The following GALNT13 variants were observed in gnomAD, a reference collection of about 807,000 sequenced individuals.
The protein encoded by GALNT13 is UDP-GalNAc:polypeptide N-acetylgalactosaminyltransferase 13.
In GALNT13, 28 loss-of-function variants were observed where a neutral mutation model predicts 64.2. The observed-to-expected ratio is 0.44, with a 90% CI of 0.32 to 0.60. The LOEUF (loss-of-function observed/expected upper bound fraction) is 0.60. Among genes scored for constraint, GALNT13 ranks in the 20% least tolerant of loss-of-function variants. The pLI is 0.05. For synonymous variants in GALNT13, 214 were observed against 224.6 expected, an observed-to-expected ratio of 0.95 and a Z score of 0.42; for missense variants, 577 against 669.8, an observed-to-expected ratio of 0.86 and a Z score of 1.53.
intron 3 of GALNT13, among the ~76,000 whole-genome samples, chr2:154,026,132 A>T (rs1697946291): frequency 6.6e-6 from 1 of 152,234 alleles, no homozygotes; most frequent in Non-Finnish European, 1.5e-5. Flanking sequence ...TAAAACTTAA[A>T]GTGGGAAAGT....
intron 4 of GALNT13, chr2:154,236,208 A>G: frequency 9.9e-7 from 1 of 1,010,880 alleles, no homozygotes; most frequent in Non-Finnish European, 1.2e-6. Context: ...ATAAGATATA[A>G]ACACACAAAG....
the GALNT13 span, among the ~76,000 whole-genome samples, chr2:153,519,145 G>A: frequency 1.3e-5 from 2 of 152,156 alleles, no homozygotes; most frequent in East Asian, 3.8e-4. Context: ...ACAAATTGCT[G>A]CTATTTCACA....
chr2:153,834,404 T>C, the GALNT13 span, among the ~76,000 whole-genome samples: 2 of 152,144 alleles, frequency 1.3e-5, no homozygotes, highest in South Asian at 2.1e-4. Flanking sequence ...AGCCAAAGAA[T>C]CTCAGCCTTA....
At chr2:153,945,726 G>C (rs1414516699) in intron 3 of GALNT13, among the ~76,000 whole-genome samples, 1 of 152,114 alleles carries the variant, frequency 6.6e-6, no homozygotes, top group East Asian at 1.9e-4. Flanking sequence ...TTTAATTTTT[G>C]TTCAAAGAGT....
chr2:153,443,202 T>G, the GALNT13 span, among the ~76,000 whole-genome samples: 1 of 152,198 alleles, frequency 6.6e-6, no homozygotes, highest in Admixed American at 6.5e-5. Context: ...GATCTCCTGT[T>G]TTGCGGATTG....
the GALNT13 span, among the ~76,000 whole-genome samples, chr2:153,671,273 A>C: frequency 6.6e-6 from 1 of 152,176 alleles, no homozygotes. Context: ...GTTGAAATGA[A>C]GGAAAAAATG....
chr2:153,166,080 A>G, the GALNT13 span, among the ~76,000 whole-genome samples: 1 of 152,280 alleles, frequency 6.6e-6, no homozygotes, highest in African/African-American at 2.4e-5. Context: ...GGCATACTCT[A>G]ATCTCTAGGG....
At chr2:153,258,193 T>C in the GALNT13 span, among the ~76,000 whole-genome samples, 1 of 152,188 alleles carries the variant, frequency 6.6e-6, no homozygotes, top group African/African-American at 2.4e-5. Flanking sequence ...TTTATGCAAA[T>C]AATCAGACAA....
chr2:153,195,055 T>A, the GALNT13 span, among the ~76,000 whole-genome samples: 2 of 152,150 alleles, frequency 1.3e-5, no homozygotes, highest in Non-Finnish European at 2.9e-5. Context: ...TTCTTGGGCC[T>A]TTAGGCAGAT....
At chr2:153,451,722 A>G in the GALNT13 span, among the ~76,000 whole-genome samples, 3 of 152,160 alleles carry the variant, frequency 2.0e-5, no homozygotes, top group African/African-American at 7.2e-5. Context: ...GATACTGTAA[A>G]TTTACTGTGA....
chr2:154,314,614 G>C (rs1694230699), intron 9 of GALNT13, among the ~76,000 whole-genome samples: 1 of 152,132 alleles, frequency 6.6e-6, no homozygotes, highest in African/African-American at 2.4e-5. Flanking sequence ...AAGGTAAAGG[G>C]GAGCCAGCAT....
At chr2:153,226,802 A>G in the GALNT13 span, among the ~76,000 whole-genome samples, 2 of 152,248 alleles carry the variant, frequency 1.3e-5, no homozygotes, top group African/African-American at 4.8e-5. Context: ...TGAATGAAGT[A>G]TGGACTTCCG....
intron 9 of GALNT13, among the ~76,000 whole-genome samples, chr2:154,335,128 A>G (rs910153663): frequency 6.6e-6 from 1 of 151,776 alleles, no homozygotes; most frequent in Non-Finnish European, 1.5e-5. Flanking sequence ...TCTACACCCT[A>G]CTTTTCAACT....
chr2:153,345,628 C>CTTTT, the GALNT13 span, among the ~76,000 whole-genome samples: 1 of 109,040 alleles, frequency 9.2e-6, no homozygotes, highest in Non-Finnish European at 2.2e-5. Context: ...CTTTTCTTTT[C>CTTTT]CTTTCTTTTT....
intron 3 of GALNT13, among the ~76,000 whole-genome samples, chr2:154,039,897 T>C (rs977795964): frequency 2.1e-5 from 3 of 140,318 alleles, no homozygotes; most frequent in African/African-American, 4.9e-5. Flanking sequence ...GTACAATTAT[T>C]ATGTGTCAAC....
At chr2:153,441,780 T>G in the GALNT13 span, among the ~76,000 whole-genome samples, 1 of 152,184 alleles carries the variant, frequency 6.6e-6, no homozygotes, top group Admixed American at 6.5e-5. Flanking sequence ...ATGCTTGTGA[T>G]TTTTGCACAT....
At chr2:154,111,594 G>A (rs572740276) in intron 3 of GALNT13, among the ~76,000 whole-genome samples, 4 of 152,176 alleles carry the variant, frequency 2.6e-5, no homozygotes, top group East Asian at 3.9e-4. Context: ...CCAGCAAAAC[G>A]TAAGGTCACG....
chr2:154,061,961 T>C (rs1252714442), intron 3 of GALNT13, among the ~76,000 whole-genome samples: 1 of 152,212 alleles, frequency 6.6e-6, no homozygotes, highest in Non-Finnish European at 1.5e-5. Context: ...AGACTTGATA[T>C]ATGAAACACA....
At chr2:153,430,831 T>A in the GALNT13 span, among the ~76,000 whole-genome samples, 44,771 of 151,728 alleles carry the variant, frequency 0.3, 7,648 homozygotes, top group Non-Finnish European at 0.39. Flanking sequence ...GTTTAAACTA[T>A]TTAGGATTAT....
Sources: allele counts gnomAD v4.1 joint callset (sites outside exome capture counted in the v4.1 genomes callset), GRCh38; gene constraint gnomAD v4.1.1; transcripts MANE v1.5; gene names NCBI Gene and HGNC (gene_info 2026-07-23, HGNC 2026-07-21).